The following SDCCAG8 variants were observed in gnomAD, a reference collection of about 807,000 sequenced individuals.
SDCCAG8 encodes SHH signaling and ciliogenesis regulator SDCCAG8, also known as serologically defined colon cancer antigen 8.
SDCCAG8 carries 74 observed loss-of-function variants against 101.8 expected under a neutral mutation model. That is an observed-to-expected ratio of 0.73 (90% CI 0.60 to 0.88). The LOEUF (loss-of-function observed/expected upper bound fraction) is 0.88, where lower values mean the gene tolerates loss of function less well. Ranked by LOEUF, SDCCAG8 falls within the 40% of genes least tolerant of loss-of-function variation. SDCCAG8 has a pLI of 0.00. For synonymous variants in SDCCAG8, 281 were observed against 292.9 expected (o/e 0.96, Z 0.41); for missense variants, 787 against 822.6 (o/e 0.96, Z 0.53).
At position 243,378,745 on chromosome 1, in the gene SDCCAG8, C is replaced by A. The variant is rs750763148; in HGVS notation, c.1498C>A (p.Leu500Met). ...DQEIEKLRIE[L>M]DESKQHLEQE... is the part of the protein sequence containing the mutation. Reference sequence around the variant, plus strand: ...GGAAATAGAGAAATTGAGAATAGAACTGGATGAAAGCAAACAACACTTGGA... The same window carrying A: ...GGAAATAGAGAAATTGAGAATAGAAATGGATGAAAGCAAACAACACTTGGA... The change falls in exon 13 of 18, where the codon CTG becomes ATG. Residue 500 changes from leucine (L) to methionine (M), a missense_variant. Coordinates refer to ENST00000366541, the MANE Select transcript of SDCCAG8 (RefSeq NM_006642.5). 5.2e-5 allele frequency: 84 copies of A among 1,613,912 alleles called. No individual in the cohort carries two copies. Among genetic ancestry groups the A allele is most frequent in the Non-Finnish European group, 6.9e-5 (81 of 1,179,958 alleles).
chr1:243,412,232 C>T (rs1410580220), intron 13 of SDCCAG8, among the ~76,000 whole-genome samples: 7 of 152,086 alleles, frequency 4.6e-5, no homozygotes, highest in East Asian at 1.9e-4. Context: ...TGAATGCCTA[C>T]GTGCTTTTTA....
chr1:243,434,633 A>G (rs1005611399), intron 16 of SDCCAG8, among the ~76,000 whole-genome samples: 3 of 152,224 alleles, frequency 2.0e-5, no homozygotes, highest in Admixed American at 6.5e-5. Context: ...ATCCTTTTCA[A>G]ATTATTCAAA....
intron 16 of SDCCAG8, among the ~76,000 whole-genome samples, chr1:243,450,394 G>A (rs2083261630): frequency 6.6e-6 from 1 of 152,180 alleles, no homozygotes; most frequent in African/African-American, 2.4e-5. Context: ...ACTCCTTTAA[G>A]CTGCTGTATA....
chr1:243,339,319 A>C (rs926904337), intron 10 of SDCCAG8, among the ~76,000 whole-genome samples: 4 of 152,198 alleles, frequency 2.6e-5, no homozygotes, highest in Non-Finnish European at 5.9e-5. Context: ...TAAATAAGTA[A>C]AATATGATTT....
At chr1:243,399,620 C>T (rs984738483) in intron 13 of SDCCAG8, among the ~76,000 whole-genome samples, 2 of 152,076 alleles carry the variant, frequency 1.3e-5, no homozygotes, top group African/African-American at 4.8e-5. Flanking sequence ...GATTCTCCTG[C>T]CTCAGCCTCC....
rs562876206 is a variant in SDCCAG8 at position 243,405,803 on chromosome 1, A to C, written c.1617-9899A>C. On this transcript the variant is annotated intron_variant, in intron 13 of 17. Coordinates refer to ENST00000366541, the MANE Select transcript of SDCCAG8 (RefSeq NM_006642.5). ...TACTTATGAGATAAAATATAATAAA[A>C]AATATATAAATTATAATTCTTACTA... 1.1e-4 allele frequency among the ~76,000 whole-genome samples: 16 copies of C among 151,820 alleles called. No homozygotes were observed. In the South Asian group the frequency reaches 2.9e-3, roughly 28 times the overall value.
intron 12 of SDCCAG8, among the ~76,000 whole-genome samples, chr1:243,364,038 C>T (rs1395138116): frequency 6.6e-6 from 1 of 152,022 alleles, no homozygotes; most frequent in East Asian, 1.9e-4. Context: ...TTACATAACC[C>T]ACAGCTAAAG....
At chr1:243,267,902 G>C in intron 1 of SDCCAG8, 2 of 1,067,902 alleles carry the variant, frequency 1.9e-6, no homozygotes, top group Non-Finnish European at 2.9e-6. Context: ...GATAAAGTTG[G>C]TATCAACGAG....
chr1:243,497,145 C>G (rs183594885), intron 17 of SDCCAG8, among the ~76,000 whole-genome samples: 1 of 152,106 alleles, frequency 6.6e-6, no homozygotes, highest in East Asian at 1.9e-4. Context: ...AAATAAGCAT[C>G]GTGGATATCC....
At chr1:243,336,062 C>T (rs997902903) in intron 10 of SDCCAG8, among the ~76,000 whole-genome samples, 2 of 152,156 alleles carry the variant, frequency 1.3e-5, no homozygotes, top group African/African-American at 4.8e-5. Context: ...TAGGTTGATT[C>T]CATGTCTTTG....
At chr1:243,258,715 TTAAAG>T (rs1189052696) in intron 1 of SDCCAG8, among the ~76,000 whole-genome samples, 21 of 152,234 alleles carry the variant, frequency 1.4e-4, no homozygotes, top group African/African-American at 4.6e-4. Flanking sequence ...ATAATTCCCT[TTAAAG>T]TAAAGTATTC....
intron 4 of SDCCAG8, among the ~76,000 whole-genome samples, chr1:243,278,454 C>T (rs1179935221): frequency 6.6e-6 from 1 of 152,140 alleles, no homozygotes. Flanking sequence ...CTCCTGAACT[C>T]GTGATCCACC....
chr1:243,486,668 C>T (rs911518976), intron 16 of SDCCAG8, among the ~76,000 whole-genome samples: 1 of 152,246 alleles, frequency 6.6e-6, no homozygotes, highest in East Asian at 1.9e-4. Flanking sequence ...CTGCCCATTG[C>T]CCTGGATGGG....
At chr1:243,274,845 C>A (rs1325260486) in intron 4 of SDCCAG8, among the ~76,000 whole-genome samples, 189 bp downstream of exon 4, 22 of 152,164 alleles carry the variant, frequency 1.4e-4, no homozygotes, top group Admixed American at 1.4e-3. Context: ...CTTGACCATA[C>A]CATTTCTGAT....
At chr1:243,495,932 C>T (rs972609266) in intron 17 of SDCCAG8, among the ~76,000 whole-genome samples, 26 of 152,120 alleles carry the variant, frequency 1.7e-4, no homozygotes, top group Non-Finnish European at 3.1e-4. Context: ...GTCAAACTGC[C>T]TGGATTCGAA....
chr1:243,305,025 G>A (rs2071943182), intron 7 of SDCCAG8: 4 of 448,282 alleles, frequency 8.9e-6, no homozygotes, highest in African/African-American at 6.1e-5. Context: ...TAAGAATCAC[G>A]GCCGGGCGCG....
intron 13 of SDCCAG8, 135 bp from the exon 14 acceptor site, chr1:243,415,567 G>T: frequency 8.4e-7 from 1 of 1,191,832 alleles, no homozygotes; most frequent in Admixed American, 1.8e-5. Context: ...AGTGGGGGAG[G>T]GTCATTAGAA....
intron 16 of SDCCAG8, among the ~76,000 whole-genome samples, chr1:243,446,597 A>C (rs999499456): frequency 6.6e-6 from 1 of 152,120 alleles, no homozygotes; most frequent in Non-Finnish European, 1.5e-5. Context: ...GCCAACTTGG[A>C]GGCAGAAGAA....
chr1:243,405,784 T>A (rs984354099), intron 13 of SDCCAG8, among the ~76,000 whole-genome samples: 1 of 151,844 alleles, frequency 6.6e-6, no homozygotes, highest in African/African-American at 2.4e-5. Context: ...GTCATACTTA[T>A]GAGATAAAAT....
Sources: gnomAD v4.1 joint callset for allele counts (sites outside exome capture counted in the v4.1 genomes callset) on GRCh38, gnomAD v4.1.1 for gene constraint, MANE v1.5 for transcripts, NCBI Gene and HGNC (gene_info 2026-07-23, HGNC 2026-07-21) for gene names.